TFB1M: variants seen among roughly 807,000 people sequenced by gnomAD.
TFB1M encodes the protein dimethyladenosine transferase 1, mitochondrial.
Under a neutral mutation model 31.1 loss-of-function variants are expected in TFB1M, and 27 were observed. The ratio of observed to expected loss-of-function variants is 0.87; its 90% confidence interval spans 0.64 to 1.20. The LOEUF (loss-of-function observed/expected upper bound fraction) is 1.20. TFB1M is among the 50% of genes most tolerant of loss of function. The pLI is 0.00. For synonymous variants in TFB1M, 166 were observed against 151.8 expected (o/e 1.09, Z -0.69); for missense variants, 394 against 418.7 (o/e 0.94, Z 0.51).
chr6:155,314,454 C>T lies in TFB1M; in HGVS notation c.-26G>A. ...GATACGCGGCAAGCACCATCCAACCCTACCTCACCCAGGACCTTCACCGCC... is the reference window on the plus strand; with the variant it reads ...GATACGCGGCAAGCACCATCCAACCTTACCTCACCCAGGACCTTCACCGCC... On this transcript the variant is annotated 5_prime_UTR_variant, in exon 1 of 7. Coordinates refer to ENST00000367166, the MANE Select transcript of TFB1M (RefSeq NM_016020.4). 1 of 1,613,844 alleles carries T rather than the reference C, an allele frequency of 6.2e-7. No individual in the cohort carries two copies. Among genetic ancestry groups the T allele is most frequent in the Non-Finnish European group, 8.5e-7 (1 of 1,179,964 alleles).
At chr6:155,239,185 T>C in the TFB1M span, among the ~76,000 whole-genome samples, 2 of 152,284 alleles carry the variant, frequency 1.3e-5, no homozygotes, top group South Asian at 4.1e-4. Context: ...AAGACAGAGA[T>C]GGATAGAGGT....
chr6:155,260,768 G>A, intron 5 of TFB1M: 1 of 344,172 alleles, frequency 2.9e-6, no homozygotes, highest in South Asian at 2.3e-5. Context: ...AAAAAAATAA[G>A]CCGCAGCAGC....
At chr6:155,239,621 G>A in the TFB1M span, among the ~76,000 whole-genome samples, 4 of 152,254 alleles carry the variant, frequency 2.6e-5, no homozygotes, top group Non-Finnish European at 5.9e-5. Context: ...GTCTGAATAG[G>A]AGCTTGTGCC....
chr6:155,314,219 G>T, intron 1 of TFB1M, 77 bp downstream of exon 1: 1 of 1,586,312 alleles, frequency 6.3e-7, no homozygotes, highest in Non-Finnish European at 8.6e-7. Context: ...CCCGCCCGCG[G>T]GGACGTGCAA....
At chr6:155,234,323 A>G in the TFB1M span, among the ~76,000 whole-genome samples, 19,085 of 152,296 alleles carry the variant, frequency 0.13, 1,407 homozygotes, top group Non-Finnish European at 0.17. Flanking sequence ...TTTTAGAGAT[A>G]GAGCCTCACT....
intron 5 of TFB1M, among the ~76,000 whole-genome samples, chr6:155,273,107 C>T (rs561103469): frequency 2.6e-5 from 4 of 152,134 alleles, no homozygotes; most frequent in Non-Finnish European, 5.9e-5. Context: ...GGCTGGAGTC[C>T]GAAATGCTAA....
intron 1 of TFB1M, among the ~76,000 whole-genome samples, chr6:155,313,871 A>C (rs1400842323): frequency 6.6e-6 from 1 of 152,202 alleles, no homozygotes; most frequent in Non-Finnish European, 1.5e-5. Context: ...TCTTTTCACC[A>C]AGTTATTGAT....
chr6:155,237,402 G>A, the TFB1M span, among the ~76,000 whole-genome samples: 2 of 152,206 alleles, frequency 1.3e-5, no homozygotes, highest in African/African-American at 4.8e-5. Flanking sequence ...CCAGGCACAG[G>A]GTGCAAGATG....
chr6:155,313,024 G>C (rs191130843), intron 1 of TFB1M: 1 of 152,072 alleles, frequency 6.6e-6, no homozygotes, highest in Non-Finnish European at 1.5e-5. Context: ...GAGGCGAGTG[G>C]ATCACTTGAG....
chr6:155,273,508 C>A (rs1162359907), intron 5 of TFB1M, among the ~76,000 whole-genome samples: 1 of 152,226 alleles, frequency 6.6e-6, no homozygotes, highest in Non-Finnish European at 1.5e-5. Flanking sequence ...CTTGCCGAGT[C>A]ATCTGAAGCT....
chr6:155,299,889 G>A (rs1313747161), intron 2 of TFB1M, among the ~76,000 whole-genome samples: 1 of 152,186 alleles, frequency 6.6e-6, no homozygotes, highest in East Asian at 1.9e-4. Flanking sequence ...TGTACTGTGC[G>A]TCTGCCTCTT....
At chr6:155,240,537 A>T in the TFB1M span, 2 of 1,611,828 alleles carry the variant, frequency 1.2e-6, no homozygotes, top group Non-Finnish European at 1.7e-6. Flanking sequence ...CAGAGTGCTG[A>T]GCAGATCACT....
chr6:155,240,527 C>CA, the TFB1M span: 1 of 1,602,178 alleles, frequency 6.2e-7, no homozygotes, highest in Non-Finnish European at 8.5e-7. Flanking sequence ...TGTCCTCTCT[C>CA]AGAGTGCTGA....
At chr6:155,246,746 T>A in the TFB1M span, among the ~76,000 whole-genome samples, 1 of 151,758 alleles carries the variant, frequency 6.6e-6, no homozygotes, top group African/African-American at 2.4e-5. Context: ...AATGGCTTGC[T>A]CCATTCCTCC....
chr6:155,293,759 T>C (rs539224045), intron 4 of TFB1M, among the ~76,000 whole-genome samples: 56 of 152,320 alleles, frequency 3.7e-4, no homozygotes, highest in African/African-American at 1.3e-3. Context: ...CCAAATAATA[T>C]TTTTGTACTT....
chr6:155,257,808 T>C lies in TFB1M; in HGVS notation c.*28A>G, dbSNP rs1176505276. On this transcript the variant is annotated 3_prime_UTR_variant, in exon 7 of 7. Transcript: ENST00000367166. ...GCTCCACGTAGTGCAAATCGACATC[T>C]GGTAGGCTGCTCGCCCCCAGGCAGC... 1 of 1,613,724 alleles carries C rather than the reference T, an allele frequency of 6.2e-7. No individual in the cohort carries two copies. The highest frequency in any genetic ancestry group is 2.2e-5 in the East Asian group (1 of 44,896).
chr6:155,252,324 C>T (rs907522646), downstream of TFB1M, among the ~76,000 whole-genome samples: 1 of 152,128 alleles, frequency 6.6e-6, no homozygotes, highest in African/African-American at 2.4e-5. Flanking sequence ...ATACAAGTAA[C>T]TGGGTGTGGT....
chr6:155,300,295 T>C lies in TFB1M; in HGVS notation c.286-1710A>G, dbSNP rs116718064. ...TTTGATATGTTTAGCCATGGTAGTT[T>C]AGCAAAAATAATTGCATGCCTCTGA... On this transcript the variant is annotated intron_variant, in intron 2 of 6. Coordinates refer to ENST00000367166, the MANE Select transcript of TFB1M (RefSeq NM_016020.4). 3.4e-3 allele frequency among the ~76,000 whole-genome samples: 516 copies of C among 152,336 alleles called. 4 individuals are homozygous for C. Among genetic ancestry groups the C allele is most frequent in the African/African-American group, 0.011 (472 of 41,580 alleles).
chr6:155,230,999 ATTT>A, the TFB1M span, among the ~76,000 whole-genome samples: 1 of 146,904 alleles, frequency 6.8e-6, no homozygotes, highest in Non-Finnish European at 1.5e-5. Flanking sequence ...AGCCTGGCTA[ATTT>A]TTTTTTTTTT....
Sources: allele counts gnomAD v4.1 joint callset (sites outside exome capture counted in the v4.1 genomes callset), GRCh38; gene constraint gnomAD v4.1.1; transcripts MANE v1.5; gene names NCBI Gene and HGNC (gene_info 2026-07-23, HGNC 2026-07-21).